Variants in CSMD2 observed in about 807,000 individuals in gnomAD.
CSMD2 encodes CUB and Sushi multiple domains 2, also known as CUB and sushi domain-containing protein 2.
In CSMD2, 130 loss-of-function variants were observed where a neutral mutation model predicts 398.5. The ratio of observed to expected loss-of-function variants is 0.33; its 90% CI spans 0.28 to 0.38. The LOEUF (loss-of-function observed/expected upper bound fraction) is 0.38. CSMD2 is among the 10% of genes least tolerant of loss of function. The pLI, the probability that CSMD2 is intolerant of heterozygous loss-of-function variation, is 1.00. For missense variants in CSMD2, 3,829 were observed against 4,764.9 expected, an observed-to-expected ratio of 0.80 and a Z score of 5.78; for synonymous variants, 1,828 against 1,908.5, an observed-to-expected ratio of 0.96 and a Z score of 1.10.
intron 1 of CSMD2, among the ~76,000 whole-genome samples, chr1:34,150,581 T>A (rs1640212303): frequency 6.6e-6 from 1 of 152,022 alleles, no homozygotes; most frequent in African/African-American, 2.4e-5. Context: ...AAGGGAGGAA[T>A]GAGCAGCTCT....
Position 33,914,811 on chromosome 1 carries a change from C to G in CSMD2, c.920+3283G>C, listed in dbSNP as rs551771143. Among the ~76,000 whole-genome samples the G allele has an allele frequency of 2.0e-5, 3 of 152,350 alleles. No homozygotes were observed. The East Asian group carries it at 5.8e-4, about 29-fold the overall frequency. On this transcript the variant is annotated intron_variant, in intron 5 of 70. Coordinates refer to ENST00000373381, the MANE Select transcript of CSMD2 (RefSeq NM_001281956.2). Reference sequence around the variant, plus strand: ...TATCTTTCATGATGTCAGGACAACACTTCCAATTGATTATTTCCTGCCACA... The same window carrying G: ...TATCTTTCATGATGTCAGGACAACAGTTCCAATTGATTATTTCCTGCCACA...
chr1:34,005,239 G>T (rs1647021494), intron 3 of CSMD2, among the ~76,000 whole-genome samples: 1 of 152,208 alleles, frequency 6.6e-6, no homozygotes, highest in Admixed American at 6.5e-5. Context: ...GAGAGTGAAA[G>T]ACCTACTTCC....
chr1:34,123,888 C>T (rs563489806), intron 1 of CSMD2, among the ~76,000 whole-genome samples: 6 of 152,216 alleles, frequency 3.9e-5, no homozygotes, highest in East Asian at 3.9e-4. Flanking sequence ...GGTCATACAA[C>T]TAGGAAGTAG....
intron 3 of CSMD2, among the ~76,000 whole-genome samples, chr1:33,937,929 T>G (rs1644530933): frequency 6.6e-6 from 1 of 152,258 alleles, no homozygotes; most frequent in Non-Finnish European, 1.5e-5. Flanking sequence ...CTAGTCTGGT[T>G]CATAGGTATA....
chr1:33,641,320 T>A (rs965764061), intron 29 of CSMD2, among the ~76,000 whole-genome samples: 16 of 152,204 alleles, frequency 1.1e-4, no homozygotes, highest in African/African-American at 3.4e-4. Flanking sequence ...CAAGCATTTG[T>A]TGAATGAATG....
chr1:33,654,483 G>A (rs1241534280), intron 27 of CSMD2, among the ~76,000 whole-genome samples: 1 of 152,192 alleles, frequency 6.6e-6, no homozygotes, highest in East Asian at 1.9e-4. Flanking sequence ...GAGCACAGTT[G>A]TTGCAGGAGC....
At chr1:34,033,440 T>G (rs564634081) in intron 2 of CSMD2, among the ~76,000 whole-genome samples, 1 of 152,368 alleles carries the variant, frequency 6.6e-6, no homozygotes, top group South Asian at 2.1e-4. Context: ...AATAATATGC[T>G]TTTAGCACAA....
intron 3 of CSMD2, among the ~76,000 whole-genome samples, chr1:33,944,729 C>T (rs1644788665): frequency 6.6e-6 from 1 of 152,056 alleles, no homozygotes; most frequent in South Asian, 2.1e-4. Flanking sequence ...CAACTGTCTC[C>T]TTTTTACAGG....
Position 33,646,663 on chromosome 1 carries a change from C to T in CSMD2, c.4759G>A (p.Val1587Ile), listed in dbSNP as rs145989440. 443 of 1,613,778 alleles carry T rather than the reference C, an allele frequency of 2.7e-4. 1 individual carries two copies. In the East Asian group the frequency reaches 5.1e-3, roughly 19 times the overall value. Residue 1587 changes from valine to isoleucine, a missense_variant, in exon 29 of 71, where the codon GTC (valine) becomes ATC (isoleucine). Transcript: ENST00000373381. ...GGGCCCTTACCTGTATAGTCAATGA[C>T]GAAGCCAGCATTGCTCACAGATGCA... ...SDASVSNAGF[V>I]IDYTENPRES... is the part of the protein sequence containing the mutation.
At chr1:33,521,325 G>C in intron 68 of CSMD2, 138 bp downstream of exon 68, 1 of 667,364 alleles carries the variant, frequency 1.5e-6, no homozygotes, top group Non-Finnish European at 2.7e-6. Context: ...ATCTCAAGAG[G>C]CATCCCTGAT....
Position 33,887,662 on chromosome 1 carries a change from T to C in CSMD2, c.920+30432A>G, listed in dbSNP as rs138916059. 1.3e-3 allele frequency among the ~76,000 whole-genome samples: 193 copies of C among 152,306 alleles called. 1 individual carries two copies. The highest frequency in any genetic ancestry group is 4.4e-3 in the African/African-American group (184 of 41,582). On this transcript the variant is annotated intron_variant, in intron 5 of 70. Coordinates refer to ENST00000373381, the MANE Select transcript of CSMD2 (RefSeq NM_001281956.2). ...TTGCTGTTTTTATTGATCTGTAATA[T>C]AGAATTTAGTAAAAGCTATGCTTGC...
intron 1 of CSMD2, among the ~76,000 whole-genome samples, chr1:34,148,877 T>A (rs538727603): frequency 6.6e-6 from 1 of 152,146 alleles, no homozygotes; most frequent in Non-Finnish European, 1.5e-5. Flanking sequence ...AAAATTTAGG[T>A]GCAGTAGGTG....
intron 28 of CSMD2, among the ~76,000 whole-genome samples, chr1:33,647,748 T>C (rs1474724921): frequency 2.0e-5 from 3 of 152,224 alleles, no homozygotes; most frequent in Non-Finnish European, 4.4e-5. Flanking sequence ...ACATCACTGA[T>C]GCTTTACAAA....
chr1:33,658,060 C>T lies in CSMD2; in HGVS notation c.4333G>A (p.Asp1445Asn), dbSNP rs766790148. ...GGGTCACACTGGAACACTGTGGAGT[C>T]GCCGGCTTCCCAACTGTCACCACTC... ...SRSGDSWEAG[D>N]STVFQCDPGY... Residue 1445 changes from aspartate (D) to asparagine (N), a missense_variant, in exon 27 of 71, where the codon GAC (aspartate) becomes AAC (asparagine). Around this residue, in one of 5 missense-constraint regions of CSMD2, gnomAD observed 2,001 missense variants for 2,567.1 expected, o/e 0.78. Coordinates refer to ENST00000373381, the MANE Select transcript of CSMD2 (RefSeq NM_001281956.2). The T allele has an allele frequency of 6.2e-6, 10 of 1,614,184 alleles. No homozygotes were observed. In the East Asian group the frequency reaches 6.7e-5, roughly 11 times the overall value.
chr1:33,652,840 C>T (rs530864306), intron 27 of CSMD2, among the ~76,000 whole-genome samples: 12 of 152,324 alleles, frequency 7.9e-5, no homozygotes, highest in Admixed American at 2.6e-4. Context: ...CTGCAAGCTC[C>T]GCCTCCCAGG....
At chr1:34,148,901 A>C (rs951716470) in intron 1 of CSMD2, among the ~76,000 whole-genome samples, 2 of 152,190 alleles carry the variant, frequency 1.3e-5, no homozygotes, top group African/African-American at 4.8e-5. Context: ...GATGGGGTCC[A>C]AGAGGCTCCA....
chr1:33,592,501 T>A (rs1359614842), intron 44 of CSMD2: 1 of 716,982 alleles, frequency 1.4e-6, no homozygotes, highest in Non-Finnish European at 2.6e-6. Flanking sequence ...TGAGGAGCAG[T>A]TAAAGAGAAC....
intron 64 of CSMD2, among the ~76,000 whole-genome samples, chr1:33,528,867 T>A (rs1213467302): frequency 6.6e-6 from 1 of 152,148 alleles, no homozygotes; most frequent in Non-Finnish European, 1.5e-5. Context: ...TAAAGCATCA[T>A]TGAAAGAAAT....
At chr1:33,695,823 A>G (rs1645403770) in intron 24 of CSMD2, among the ~76,000 whole-genome samples, 1 of 152,188 alleles carries the variant, frequency 6.6e-6, no homozygotes, top group Non-Finnish European at 1.5e-5. Flanking sequence ...GAAGTCCACA[A>G]GCTCTATTTG....
Sources: allele counts gnomAD v4.1 joint callset (sites outside exome capture counted in the v4.1 genomes callset), GRCh38; gene constraint gnomAD v4.1.1; regional missense constraint gnomAD v4.1.1; transcripts MANE v1.5; gene names NCBI Gene and HGNC (gene_info 2026-07-23, HGNC 2026-07-21).